FOCAD: variants seen among roughly 807,000 people sequenced by gnomAD.
FOCAD encodes the protein KIAA1797.
Under a neutral mutation model 225.6 loss-of-function variants are expected in FOCAD, and 198 were observed. The observed-to-expected ratio is 0.88, with a 90% CI of 0.78 to 0.99. The LOEUF (loss-of-function observed/expected upper bound fraction) is 0.99. Ranked by LOEUF, FOCAD falls within the 50% of genes least tolerant of loss-of-function variation. FOCAD has a pLI of 0.00. For missense variants in FOCAD, 2,713 were observed against 2,123.6 expected (o/e 1.28, Z -5.46); for synonymous variants, 897 against 755.0 (o/e 1.19, Z -3.08).
intron 6 of FOCAD, among the ~76,000 whole-genome samples, chr9:20,763,164 C>G (rs1253569213): frequency 6.6e-6 from 1 of 152,158 alleles, no homozygotes; most frequent in Non-Finnish European, 1.5e-5. Context: ...CATTATAAAA[C>G]TACTCTGTAA....
chr9:20,916,098 A>G (rs1310904676), intron 23 of FOCAD, among the ~76,000 whole-genome samples: 1 of 152,176 alleles, frequency 6.6e-6, no homozygotes, highest in Admixed American at 6.5e-5. Flanking sequence ...TATCAAATGC[A>G]AATATTTATG....
rs185441024 is a variant in FOCAD, at chr9:20,964,787, G to A, written c.4133-11633G>A. Among the ~76,000 whole-genome samples the A allele has an allele frequency of 4.0e-3, 607 of 152,280 alleles. 10 individuals carry two copies. Among genetic ancestry groups the A allele is most frequent in the African/African-American group, 0.014 (583 of 41,536 alleles). On this transcript the variant is annotated intron_variant, in intron 35 of 43. Coordinates refer to ENST00000338382, the MANE Select transcript of FOCAD (RefSeq NM_001375567.1). The stretch of plus-strand genomic sequence containing the variant: ...TTGACCTCATGATCCATCCTCCTCG[G>A]CCTCCCAAAGTGCTGGGATTACAGG...
At chr9:20,719,112 G>T (rs1224920984) in intron 3 of FOCAD, among the ~76,000 whole-genome samples, 1 of 151,736 alleles carries the variant, frequency 6.6e-6, no homozygotes, top group African/African-American at 2.4e-5. Context: ...GACAGAGTCT[G>T]GCTCTGTCGC....
At chr9:20,872,940 C>T (rs1258129921) in intron 18 of FOCAD, 1 of 152,052 alleles carries the variant, frequency 6.6e-6, no homozygotes, top group Non-Finnish European at 1.5e-5. Flanking sequence ...GATGGGCTTT[C>T]TTCACTTATC....
chr9:20,944,701 A>C lies in FOCAD; in HGVS notation c.3482A>C (p.His1161Pro), dbSNP rs147970895. 4 of 1,614,074 alleles carry C rather than the reference A, an allele frequency of 2.5e-6. No homozygotes were observed. The highest frequency in any genetic ancestry group is 3.4e-6 in the Non-Finnish European group (4 of 1,179,962). ...AGCAGCCAAATGCAGTCCCGCGTTC[A>C]CGTAGCAGCATTGCTCCGGAAGCTG... ...SHSSQMQSRVHVAALLRKLSA... is the reference protein window; with the variant it reads ...SHSSQMQSRVPVAALLRKLSA... Residue 1161 changes from histidine (H) to proline (P), a missense_variant, in exon 29 of 44, where the codon CAC (histidine) becomes CCC (proline). Transcript: ENST00000338382.
chr9:20,881,640 G>T (rs568776622), intron 19 of FOCAD, among the ~76,000 whole-genome samples: 15 of 152,216 alleles, frequency 9.9e-5, no homozygotes, highest in African/African-American at 3.6e-4. Context: ...CTTGCTAATG[G>T]ATTACATGTA....
intron 5 of FOCAD, among the ~76,000 whole-genome samples, chr9:20,754,913 A>C (rs1001855470): frequency 6.6e-6 from 1 of 152,196 alleles, no homozygotes; most frequent in Non-Finnish European, 1.5e-5. Context: ...ACGTGAGCCT[A>C]AGGCTTTATG....
chr9:20,831,844 CA>C (rs1427002083), intron 15 of FOCAD, among the ~76,000 whole-genome samples: 1 of 152,056 alleles, frequency 6.6e-6, no homozygotes, highest in Non-Finnish European at 1.5e-5. Context: ...ATCCCTTAAG[CA>C]TTGAACCCCA....
intron 40 of FOCAD, among the ~76,000 whole-genome samples, chr9:20,987,676 T>C (rs1841311165): frequency 1.3e-5 from 2 of 152,152 alleles, no homozygotes. Context: ...AGTAGGTGTT[T>C]CAAATGAAGC....
chr9:20,797,108 T>C (rs1379414238), intron 11 of FOCAD, among the ~76,000 whole-genome samples: 1 of 152,222 alleles, frequency 6.6e-6, no homozygotes, highest in Non-Finnish European at 1.5e-5. Context: ...GTGAGGTCTG[T>C]CAAAGACCAG....
chr9:20,933,409 C>T (rs937566015), intron 28 of FOCAD, among the ~76,000 whole-genome samples: 2 of 152,190 alleles, frequency 1.3e-5, no homozygotes, highest in African/African-American at 4.8e-5. Context: ...TTTGTATCCT[C>T]ATAGCTTAGC....
At chr9:20,808,310 G>A (rs544877921) in intron 11 of FOCAD, among the ~76,000 whole-genome samples, 4 of 152,194 alleles carry the variant, frequency 2.6e-5, no homozygotes, top group South Asian at 4.1e-4. Flanking sequence ...CTCAGCTCAC[G>A]TTTACTGAGT....
At chr9:20,940,003 A>G (rs960460977) in intron 28 of FOCAD, among the ~76,000 whole-genome samples, 1 of 150,596 alleles carries the variant, frequency 6.6e-6, no homozygotes, top group Non-Finnish European at 1.5e-5. Flanking sequence ...ACATGCGTCC[A>G]AGTGTTCTCA....
At chr9:20,932,145 G>C (rs1014413780) in intron 27 of FOCAD, among the ~76,000 whole-genome samples, 1 of 152,102 alleles carries the variant, frequency 6.6e-6, no homozygotes, top group Admixed American at 6.6e-5. Context: ...GATTTATTTA[G>C]TTAAAGCTAT....
intron 16 of FOCAD, chr9:20,863,534 T>C (rs769363136): frequency 3.3e-5 from 5 of 152,150 alleles, no homozygotes; most frequent in Non-Finnish European, 5.9e-5. Context: ...CAGTACCTGG[T>C]GCATAATCTA....
chr9:20,936,701 A>G (rs986170593), intron 28 of FOCAD, among the ~76,000 whole-genome samples: 1 of 151,982 alleles, frequency 6.6e-6, no homozygotes, highest in African/African-American at 2.4e-5. Context: ...CTCTCTCACC[A>G]CCCCGATTCA....
Position 20,771,107 on chromosome 9 carries a change from G to A in FOCAD, c.906+869G>A, listed in dbSNP as rs143467843. Among the ~76,000 whole-genome samples, 485 of 152,340 alleles carry A rather than the reference G, an allele frequency of 3.2e-3. 1 individual carries two copies. The highest frequency in any genetic ancestry group is 8.8e-3 in the African/African-American group (366 of 41,582). The stretch of plus-strand genomic sequence containing the variant: ...ACTGAATGGAATGTGCCTGGTACAA[G>A]GGCCTGGGAAGGGCATTCCAGCTGT... On this transcript the variant is annotated intron_variant, in intron 8 of 43. Transcript: ENST00000338382.
At chr9:20,904,206 C>A (rs1054825869) in intron 21 of FOCAD, among the ~76,000 whole-genome samples, 3 of 151,968 alleles carry the variant, frequency 2.0e-5, no homozygotes, top group Non-Finnish European at 4.4e-5. Flanking sequence ...TGTGAAAGTG[C>A]TGCTATGAAC....
At chr9:20,987,934 G>C (rs1223003403) in intron 40 of FOCAD, among the ~76,000 whole-genome samples, 1 of 152,072 alleles carries the variant, frequency 6.6e-6, no homozygotes, top group Non-Finnish European at 1.5e-5. Flanking sequence ...TCTGTGATTT[G>C]GCATAAATTG....
Sources: allele counts gnomAD v4.1 joint callset (sites outside exome capture counted in the v4.1 genomes callset), GRCh38; gene constraint gnomAD v4.1.1; transcripts MANE v1.5; gene names NCBI Gene and HGNC (gene_info 2026-07-23, HGNC 2026-07-21).